SFMBT1: variants seen among roughly 807,000 people sequenced by gnomAD.
The protein encoded by SFMBT1 is scm-like with four MBT domains protein 1.
A neutral mutation model predicts 108.7 loss-of-function variants in SFMBT1; 32 were observed. The ratio of observed to expected loss-of-function variants is 0.29; its 90% confidence interval spans 0.22 to 0.40. The LOEUF (loss-of-function observed/expected upper bound fraction) is 0.40. Ranked by LOEUF, SFMBT1 falls within the 10% of genes least tolerant of loss-of-function variation. The pLI is 1.00. For synonymous variants in SFMBT1, 348 were observed against 369.5 expected (o/e 0.94, Z 0.67); for missense variants, 816 against 1,059.6 (o/e 0.77, Z 3.19).
At chr3:53,030,260 T>G (rs1256252093) in intron 1 of SFMBT1, among the ~76,000 whole-genome samples, 3 of 152,146 alleles carry the variant, frequency 2.0e-5, no homozygotes, top group African/African-American at 7.2e-5. Context: ...ATATCACCAT[T>G]TGAGTTTTTT....
At chr3:52,998,395 AAAAAG>A (rs1438086304) in intron 1 of SFMBT1, among the ~76,000 whole-genome samples, 7 of 150,354 alleles carry the variant, frequency 4.7e-5, no homozygotes, top group African/African-American at 1.2e-4. Context: ...CCGTCTCAAA[AAAAAG>A]AAAAGAAAAG....
intron 8 of SFMBT1, 95 bp downstream of exon 8, chr3:52,930,234 T>C: frequency 1.3e-6 from 1 of 756,016 alleles, no homozygotes; most frequent in Non-Finnish European, 2.3e-6. Flanking sequence ...GAAAAATGGG[T>C]TGGATCAATA....
At chr3:52,947,731 T>C (rs997938165) in intron 3 of SFMBT1, among the ~76,000 whole-genome samples, 23 of 151,764 alleles carry the variant, frequency 1.5e-4, no homozygotes, top group Non-Finnish European at 3.2e-4. Context: ...TTTCTATATA[T>C]GTATTTTTTT....
chr3:52,928,458 A>G (rs1702726685), intron 8 of SFMBT1, 117 bp from the exon 9 acceptor site: 1 of 1,013,132 alleles, frequency 9.9e-7, no homozygotes, highest in African/African-American at 1.6e-5. Context: ...AATAATACTA[A>G]ACACTAAATG....
At chr3:52,986,673 G>A (rs1199182447) in intron 1 of SFMBT1, among the ~76,000 whole-genome samples, 1 of 151,760 alleles carries the variant, frequency 6.6e-6, no homozygotes, top group African/African-American at 2.4e-5. Flanking sequence ...CTACTCGGGA[G>A]GTTGAGGCAG....
chr3:52,989,543 G>C (rs1705048612), intron 1 of SFMBT1, among the ~76,000 whole-genome samples: 1 of 151,954 alleles, frequency 6.6e-6, no homozygotes, highest in African/African-American at 2.4e-5. Flanking sequence ...GCTCACACCT[G>C]TAATACCAAC....
chr3:52,941,718 GA>G (rs1703191115), intron 4 of SFMBT1, among the ~76,000 whole-genome samples: 1 of 150,832 alleles, frequency 6.6e-6, no homozygotes, highest in Non-Finnish European at 1.5e-5. Context: ...GCAACACAGC[GA>G]AACTCTGTCT....
At position 52,934,893 on chromosome 3, in the gene SFMBT1, C is replaced by T. The variant is rs367969218; in HGVS notation, c.373G>A (p.Asp125Asn). Residue 125 changes from aspartate (D) to asparagine (N), a missense_variant, in exon 5 of 21, where the codon GAT (aspartate) becomes AAT (asparagine). Transcript: ENST00000394752. ...AACTCATCCCAGTCAGATACTTTAT[C>T]TCTGATGCCTAGATGAGGGAATAAA... Reference protein sequence around the residue: ...KTLEAPEGIRDKVSDWDEFLR... With the variant: ...KTLEAPEGIRNKVSDWDEFLR... The T allele has an allele frequency of 2.0e-5, 33 of 1,612,482 alleles. No individual in the cohort carries two copies. The highest frequency in any genetic ancestry group is 1.1e-4 in the East Asian group (5 of 44,878).
intron 2 of SFMBT1, among the ~76,000 whole-genome samples, chr3:52,967,593 T>C (rs955191355): frequency 1.3e-5 from 2 of 152,202 alleles, no homozygotes; most frequent in African/African-American, 2.4e-5. Context: ...ATAAAGTTTT[T>C]TGAAAAACCT....
chr3:53,021,520 G>A lies in SFMBT1; in HGVS notation c.-131+24296C>T, dbSNP rs1321540804. 4.6e-5 allele frequency among the ~76,000 whole-genome samples: 7 copies of A among 152,294 alleles called. No homozygotes were observed. In the East Asian group the frequency reaches 1.2e-3, roughly 25 times the overall value. On this transcript the variant is annotated intron_variant, in intron 1 of 20. Coordinates refer to ENST00000394752, the MANE Select transcript of SFMBT1 (RefSeq NM_016329.4). ...GTCAAAAGACAACAAGTATCCATGGGTCACAGACATACTCCTGGCTCAAGT... is the reference window on the plus strand; with the variant it reads ...GTCAAAAGACAACAAGTATCCATGGATCACAGACATACTCCTGGCTCAAGT...
intron 1 of SFMBT1, among the ~76,000 whole-genome samples, chr3:53,028,763 G>A (rs1406394242): frequency 1.3e-5 from 2 of 152,112 alleles, no homozygotes; most frequent in South Asian, 4.2e-4. Flanking sequence ...ACTCAGAAAC[G>A]CCCAGTCTAG....
intron 1 of SFMBT1, among the ~76,000 whole-genome samples, chr3:53,029,749 C>A (rs376073454): frequency 1.3e-5 from 2 of 152,164 alleles, no homozygotes; most frequent in African/African-American, 4.8e-5. Flanking sequence ...TCTCCCAAGA[C>A]TCAGCTGGGG....
intron 3 of SFMBT1, among the ~76,000 whole-genome samples, chr3:52,946,925 C>T (rs957409755): frequency 7.9e-5 from 12 of 151,868 alleles, no homozygotes; most frequent in African/African-American, 2.9e-4. Context: ...GCACGTGCCA[C>T]CACACCTGGT....
chr3:52,905,099 T>C lies in SFMBT1; in HGVS notation c.*37A>G. ...AGCAGGGTGAAGGATTTGCTGCATT[T>C]GTGCTTCAAAGATCCAGCTCACTTT... is the stretch of plus-strand genomic sequence containing the variant. On this transcript the variant is annotated 3_prime_UTR_variant, in exon 21 of 21. Coordinates refer to ENST00000394752, the MANE Select transcript of SFMBT1 (RefSeq NM_016329.4). 6.2e-7 allele frequency: 1 copy of C among 1,609,096 alleles called. No individual in the cohort carries two copies. Among genetic ancestry groups the C allele is most frequent in the Non-Finnish European group, 8.5e-7 (1 of 1,177,454 alleles).
At chr3:52,949,229 G>GC (rs1703484430) in intron 3 of SFMBT1, among the ~76,000 whole-genome samples, 2 of 152,086 alleles carry the variant, frequency 1.3e-5, no homozygotes, top group Admixed American at 1.3e-4. Context: ...TTATGGGCCT[G>GC]GGTGTGGTCT....
intron 1 of SFMBT1, among the ~76,000 whole-genome samples, chr3:53,000,046 T>A (rs550851599): frequency 6.7e-6 from 1 of 149,876 alleles, no homozygotes; most frequent in East Asian, 2.0e-4. Flanking sequence ...GTATTTTTAG[T>A]AGAGACAGGG....
chr3:53,039,571 T>C (rs1575456216), intron 1 of SFMBT1, among the ~76,000 whole-genome samples: 1 of 152,172 alleles, frequency 6.6e-6, no homozygotes, highest in Admixed American at 6.5e-5. Context: ...TCAATGTACT[T>C]AATGCCACTG....
At chr3:52,930,677 A>G (rs1702829442) in intron 7 of SFMBT1, among the ~76,000 whole-genome samples, 1 of 152,260 alleles carries the variant, frequency 6.6e-6, no homozygotes, top group Non-Finnish European at 1.5e-5. Context: ...AGAAAAAAAC[A>G]AATTTATTTT....
intron 7 of SFMBT1, 45 bp from the exon 8 acceptor site, chr3:52,930,475 T>C (rs1179843919): frequency 9.5e-7 from 1 of 1,049,652 alleles, no homozygotes; most frequent in East Asian, 2.4e-5. Context: ...AGTATCTGTA[T>C]CAATCTTACA....
Sources: allele counts gnomAD v4.1 joint callset (sites outside exome capture counted in the v4.1 genomes callset), GRCh38; gene constraint gnomAD v4.1.1; transcripts MANE v1.5; gene names NCBI Gene and HGNC (gene_info 2026-07-23, HGNC 2026-07-21).